TMPRSS9: variants seen among roughly 807,000 people sequenced by gnomAD.
TMPRSS9 encodes the protein transmembrane serine protease 9.
Under a neutral mutation model 111.4 loss-of-function variants are expected in TMPRSS9, and 113 were observed. That is an observed-to-expected ratio of 1.01 (90% CI 0.87 to 1.19). The LOEUF (loss-of-function observed/expected upper bound fraction) is 1.19. TMPRSS9 is among the 50% of genes most tolerant of loss of function. The pLI, the probability that TMPRSS9 is intolerant of heterozygous loss-of-function variation, is 0.00. For missense variants in TMPRSS9, 1,803 were observed against 1,513.1 expected (o/e 1.19, Z -3.18); for synonymous variants, 805 against 659.1 (o/e 1.22, Z -3.39).
intron 13 of TMPRSS9, among the ~76,000 whole-genome samples, chr19:2,421,104 G>A (rs2145412817): frequency 6.6e-6 from 1 of 151,782 alleles, no homozygotes; most frequent in Non-Finnish European, 1.5e-5. Flanking sequence ...TACTCGGGAG[G>A]CTGAGGCAGG....
chr19:2,387,490 C>T (rs1196877706), upstream of TMPRSS9, among the ~76,000 whole-genome samples: 2 of 150,584 alleles, frequency 1.3e-5, no homozygotes, highest in East Asian at 3.9e-4. Flanking sequence ...AGTAAGACTC[C>T]ATCTCAATAG....
At chr19:2,379,622 T>TTTCTTTCTTTCTTTCTTTCC (rs1424687624) in intron 1 of TMPRSS9, among the ~76,000 whole-genome samples, 23 of 128,856 alleles carry the variant, frequency 1.8e-4, no homozygotes, top group African/African-American at 6.3e-4. Context: ...TTTCTCTTTC[T>TTTCTTTCTTTCTTTCTTTCC]TTCTTTCTTT....
At chr19:2,383,480 C>T (rs771919687) in intron 1 of TMPRSS9, among the ~76,000 whole-genome samples, 2 of 150,612 alleles carry the variant, frequency 1.3e-5, no homozygotes, top group African/African-American at 2.4e-5. Flanking sequence ...AGCAAGACCC[C>T]GTCTCTAAAA....
At chr19:2,392,624 C>CT (rs1159589745) in intron 1 of TMPRSS9, among the ~76,000 whole-genome samples, 1 of 152,198 alleles carries the variant, frequency 6.6e-6, no homozygotes, top group Non-Finnish European at 1.5e-5. Context: ...ATTGTTATGT[C>CT]TAGCTGGAGG....
rs752085781 is a variant in TMPRSS9, at chr19:2,426,117, C to G, written c.*29C>G. On this transcript the variant is annotated 3_prime_UTR_variant, in exon 18 of 18. Transcript: ENST00000648592. ...CCACGTGACTGCCCAGGCCGAGACTCTACGTGAAAGCAACAGGAGCAGCAG... is the reference window on the plus strand; with the variant it reads ...CCACGTGACTGCCCAGGCCGAGACTGTACGTGAAAGCAACAGGAGCAGCAG... 12 of 1,587,792 alleles carry G rather than the reference C, an allele frequency of 7.6e-6. No homozygotes were observed. The South Asian group carries it at 1.4e-4, about 18-fold the overall frequency.
rs150218608 is a variant in TMPRSS9 at position 2,422,035 on chromosome 19, C to G, written c.2336C>G (p.Pro779Arg). ...TCCCAGCCCCTTCCCATGTCTCCCC[C>G]CTCGACCACAAGGATGCTGGCCACC... The change falls in exon 14 of 18, where the codon CCC (proline) becomes CGC (arginine). Residue 779 changes from proline (P) to arginine (R), a missense_variant. By Grantham distance (103) the Pro-to-Arg change is moderately radical. Coordinates refer to ENST00000648592, the Ensembl canonical transcript of TMPRSS9. The G allele has an allele frequency of 1.4e-5, 22 of 1,612,744 alleles. No individual in the cohort carries two copies. Among genetic ancestry groups the G allele is most frequent in the African/African-American group, 4.0e-5 (3 of 74,914 alleles).
intron 1 of TMPRSS9, among the ~76,000 whole-genome samples, chr19:2,379,181 C>CTTTTTTTTTTT (rs919990556): frequency 3.0e-5 from 3 of 99,422 alleles, no homozygotes; most frequent in Non-Finnish European, 5.5e-5. Context: ...GCTTCTTTCT[C>CTTTTTTTTTTT]TTTTTTTTTT....
At position 2,364,848 on chromosome 19, in the gene TMPRSS9, C is replaced by G. The variant is rs1011352087; in HGVS notation, c.-26+4488C>G. 2.0e-4 allele frequency among the ~76,000 whole-genome samples: 31 copies of G among 151,830 alleles called. 2 individuals carry two copies. The highest frequency in any genetic ancestry group is 7.2e-4 in the Admixed American group (11 of 15,226). ...AAAATACAAAAAAAATTAGCCGGGC[C>G]TGGTGGCGGGCGCCTGTAATCTCGG... On this transcript the variant is annotated intron_variant, in intron 1 of 17. Coordinates refer to the TMPRSS9 transcript ENST00000649857.
chr19:2,398,045 A>G (rs1946942276), intron 2 of TMPRSS9, among the ~76,000 whole-genome samples: 1 of 147,086 alleles, frequency 6.8e-6, no homozygotes, highest in South Asian at 2.2e-4. Context: ...CACCATGCCC[A>G]GCTAATTTGG....
rs1407276086 is a variant in TMPRSS9, at chr19:2,415,598, G to T, written c.1574-72G>T. 3 of 1,377,514 alleles carry T rather than the reference G, an allele frequency of 2.2e-6. No individual in the cohort carries two copies. In the East Asian group the frequency reaches 8.3e-5, roughly 38 times the overall value. 85.3% of individuals were successfully genotyped at this position (1,377,514 alleles called of 1,614,324 possible). On this transcript the variant is annotated intron_variant, in intron 10 of 17. Transcript: ENST00000648592. ...GGGCCTGGCTGCAACCGGTGTCCTG[G>T]GACCACCCCACCGGATGCTCCCACC... is the stretch of plus-strand genomic sequence containing the variant.
chr19:2,363,315 T>TC (rs1568464108), intron 1 of TMPRSS9, among the ~76,000 whole-genome samples: 3 of 152,208 alleles, frequency 2.0e-5, no homozygotes. Flanking sequence ...CTGGGGACTC[T>TC]GTCCGCGGGG....
intron 12 of TMPRSS9, among the ~76,000 whole-genome samples, chr19:2,417,660 A>T (rs1279313460): frequency 1.3e-5 from 2 of 152,020 alleles, no homozygotes; most frequent in Admixed American, 6.6e-5. Flanking sequence ...AAAACAAAAA[A>T]AGCAAATGCT....
chr19:2,376,535 C>T (rs1345439627), intron 1 of TMPRSS9, among the ~76,000 whole-genome samples: 1 of 152,068 alleles, frequency 6.6e-6, no homozygotes, highest in Non-Finnish European at 1.5e-5. Context: ...CCTTGGCTCA[C>T]TGCAACCTCT....
rs540712683 is a variant in TMPRSS9, at chr19:2,414,079, G to A, written c.1573+61G>A. 5.6e-5 allele frequency: 81 copies of A among 1,435,596 alleles called. No homozygotes were observed. The African/African-American group carries it at 8.0e-4, about 14-fold the overall frequency. The allele number at this position is 1,435,596 out of a possible 1,614,324, so 88.9% of individuals were successfully genotyped here. On this transcript the variant is annotated intron_variant, in intron 10 of 17. Transcript: ENST00000648592. Reference sequence around the variant, plus strand: ...GTGCCTATCTTGATTTAGGGAGAACGGATATCGTCATAGTATCTTCATAAT... The same window carrying A: ...GTGCCTATCTTGATTTAGGGAGAACAGATATCGTCATAGTATCTTCATAAT...
chr19:2,370,013 G>T (rs1313093809), intron 1 of TMPRSS9, among the ~76,000 whole-genome samples: 1 of 152,070 alleles, frequency 6.6e-6, no homozygotes, highest in African/African-American at 2.4e-5. Flanking sequence ...TTCAAGACCA[G>T]CCTGGGCAAT....
chr19:2,379,629 C>CTTTCTTTCTTTCTT (rs1568170767), intron 1 of TMPRSS9, among the ~76,000 whole-genome samples: 5 of 143,356 alleles, frequency 3.5e-5, no homozygotes, highest in Admixed American at 7.0e-5. Flanking sequence ...TTCTTTCTTT[C>CTTTCTTTCTTTCTT]TTTCTTTCTT....
intron 1 of TMPRSS9, among the ~76,000 whole-genome samples, chr19:2,376,290 T>C (rs1970333568): frequency 6.6e-6 from 1 of 152,044 alleles, no homozygotes; most frequent in Non-Finnish European, 1.5e-5. Context: ...TGTGGGGATA[T>C]GAGGCCCGCC....
chr19:2,387,555 G>A (rs1295410299), upstream of TMPRSS9, among the ~76,000 whole-genome samples: 2 of 151,760 alleles, frequency 1.3e-5, no homozygotes, highest in Non-Finnish European at 2.9e-5. Context: ...GAAGGGAAAG[G>A]AAGGGAGGAA....
intron 1 of TMPRSS9, 141 bp downstream of exon 2, chr19:2,390,068 AGGCGGGTG>A: frequency 1.8e-6 from 2 of 1,094,780 alleles, no homozygotes; most frequent in African/African-American, 3.1e-5. Flanking sequence ...GCCCTAGGCC[AGGCGGGTG>A]GGCGGGGAGT....
Sources: gnomAD v4.1 joint callset for allele counts (sites outside exome capture counted in the v4.1 genomes callset) on GRCh38, gnomAD v4.1.1 for gene constraint, MANE v1.5 for transcripts, NCBI Gene and HGNC (gene_info 2026-07-23, HGNC 2026-07-21) for gene names.